The following TPM4 variants were observed in gnomAD, a reference collection of about 807,000 sequenced individuals.
The protein encoded by TPM4 is tropomyosin alpha-4 chain.
TPM4 carries 17 observed loss-of-function variants against 35.8 expected under a neutral mutation model. That is an observed-to-expected ratio of 0.47 (90% CI 0.32 to 0.71). The LOEUF (loss-of-function observed/expected upper bound fraction) is 0.71, where lower values mean the gene tolerates loss of function less well. Ranked by LOEUF, TPM4 falls within the 30% of genes least tolerant of loss-of-function variation. The probability of loss-of-function intolerance (pLI) is 0.03; values close to 1 mark genes in which losing one functional copy is unlikely to be tolerated. For synonymous variants in TPM4, 120 were observed against 122.9 expected, an observed-to-expected ratio of 0.98 and a Z score of 0.15; for missense variants, 240 against 320.9, an observed-to-expected ratio of 0.75 and a Z score of 1.93.
intron 5 of TPM4, among the ~76,000 whole-genome samples, 193 bp downstream of exon 5, chr19:16,089,313 G>T (rs2090597531): frequency 6.6e-6 from 1 of 152,124 alleles, no homozygotes; most frequent in African/African-American, 2.4e-5. Flanking sequence ...CCTCTTCCAT[G>T]GGGTCTGAGC....
chr19:16,076,136 G>C, upstream of TPM4: 3 of 1,574,332 alleles, frequency 1.9e-6, no homozygotes, highest in Non-Finnish European at 2.6e-6. Flanking sequence ...AGGACGCGCA[G>C]GAGAAGCTGG....
At chr19:16,075,979 C>T (rs944622650), upstream of TPM4, 4 of 1,543,292 alleles carry the variant, frequency 2.6e-6, no homozygotes, top group Admixed American at 2.2e-5. Flanking sequence ...TTGGGGGGGA[C>T]CGCCCCTGCA....
chr19:16,076,249 A>C, upstream of TPM4: 1 of 1,540,940 alleles, frequency 6.5e-7, no homozygotes, highest in Non-Finnish European at 8.7e-7. Flanking sequence ...GGAGAGCCGC[A>C]GGGGGAGGAG....
chr19:16,098,815 T>G (rs2090731572), intron 7 of TPM4, among the ~76,000 whole-genome samples: 1 of 151,912 alleles, frequency 6.6e-6, no homozygotes, highest in African/African-American at 2.4e-5. Context: ...AAAAAATTTT[T>G]TAATAAAATA....
At chr19:16,095,958 C>T (rs2090691023) in intron 7 of TPM4, 1 of 149,866 alleles carries the variant, frequency 6.7e-6, no homozygotes. Context: ...CGGAGTCTCA[C>T]TATGTCGCCC....
intron 2 of TPM4, chr19:16,068,070 A>G: frequency 2.5e-6 from 1 of 395,084 alleles, no homozygotes; most frequent in Non-Finnish European, 4.6e-6. Flanking sequence ...GGTTGGGGAC[A>G]TGCTGTGTGT....
chr19:16,073,257 T>C (rs898301278), upstream of TPM4, among the ~76,000 whole-genome samples: 1 of 152,204 alleles, frequency 6.6e-6, no homozygotes, highest in African/African-American at 2.4e-5. Flanking sequence ...AGATTTGCTC[T>C]CACTCTTCCT....
chr19:16,101,109 T>G, intron 7 of TPM4, 155 bp from the exon 8 acceptor site: 1 of 510,248 alleles, frequency 2.0e-6, no homozygotes, highest in Non-Finnish European at 3.5e-6. Flanking sequence ...AGGTGAAGGT[T>G]GCAGTGAGCC....
chr19:16,091,044 C>A (rs1184949554), intron 5 of TPM4, among the ~76,000 whole-genome samples: 1 of 151,960 alleles, frequency 6.6e-6, no homozygotes, highest in East Asian at 1.9e-4. Flanking sequence ...CCACTAATAC[C>A]TCAGCTGCTT....
chr19:16,088,308 C>T, intron 4 of TPM4: 2 of 1,392,640 alleles, frequency 1.4e-6, no homozygotes, highest in Non-Finnish European at 1.9e-6. Context: ...ACGTGTTGAC[C>T]CTTTCTGCAA....
At chr19:16,094,153 G>A (rs1214020546) in intron 7 of TPM4, among the ~76,000 whole-genome samples, 1 of 151,796 alleles carries the variant, frequency 6.6e-6, no homozygotes, top group Non-Finnish European at 1.5e-5. Context: ...CTTTCAGGAG[G>A]TAAAATATCT....
intron 2 of TPM4, among the ~76,000 whole-genome samples, chr19:16,083,000 A>G (rs1176868336): frequency 2.7e-5 from 4 of 149,424 alleles, no homozygotes; most frequent in African/African-American, 9.9e-5. Flanking sequence ...CAAAAAAAAA[A>G]AAAAAAAAAA....
chr19:16,086,473 A>C lies in TPM4; in HGVS notation c.317A>C (p.Glu106Ala), dbSNP rs1461859416. 1 of 1,613,862 alleles carries C rather than the reference A, an allele frequency of 6.2e-7. No individual in the cohort carries two copies. Among genetic ancestry groups the C allele is most frequent in the Non-Finnish European group, 8.5e-7 (1 of 1,179,998 alleles). ...GCCATGAAGGATGAGGAGAAGATGGAGATTCAGGAGATGCAGCTCAAAGAG... is the reference window on the plus strand; with the variant it reads ...GCCATGAAGGATGAGGAGAAGATGGCGATTCAGGAGATGCAGCTCAAAGAG... ...NRAMKDEEKM[E>A]IQEMQLKEAK... The change falls in exon 3 of 8, where the codon GAG (glutamate) becomes GCG (alanine). Residue 106 changes from glutamate to alanine, a missense_variant. Glu to Ala is a moderately radical substitution (Grantham distance 107). Coordinates refer to ENST00000643579, the MANE Select transcript of TPM4 (RefSeq NM_003290.3).
Position 16,101,558 on chromosome 19 carries a change from T to G in TPM4, c.*212T>G, listed in dbSNP as rs2090763907. 1 of 454,064 alleles carries G rather than the reference T, an allele frequency of 2.2e-6. No homozygotes were observed. The highest frequency in any genetic ancestry group is 3.6e-5 in the East Asian group (1 of 27,832). The allele number at this position is 454,064 out of a possible 1,614,324, so 28.1% of individuals were successfully genotyped here. A position where few individuals can be genotyped will look rare whatever the true frequency, so the allele number is the denominator to read the frequency against. ...CTTTTTTTTTCAAATGGCACCAGCT[T>G]TTTCAGCTCTCTTATTTTTTCCTTA... On this transcript the variant is annotated 3_prime_UTR_variant, in exon 8 of 8. Transcript: ENST00000643579.
upstream of TPM4, among the ~76,000 whole-genome samples, chr19:16,072,685 G>A (rs899747286): frequency 4.6e-5 from 7 of 152,190 alleles, no homozygotes; most frequent in Middle Eastern, 3.2e-3. Flanking sequence ...AGGAGGCTGA[G>A]GTGGGGGATC....
upstream of TPM4, chr19:16,076,394 G>T (rs539691977): frequency 1.5e-4 from 204 of 1,385,262 alleles, 1 homozygote; most frequent in African/African-American, 2.7e-3. Flanking sequence ...CGGCGGTCCG[G>T]CCGGGTGACC....
At chr19:16,069,549 TGA>T (rs1464204845) in intron 2 of TPM4, among the ~76,000 whole-genome samples, 8 of 9,716 alleles carry the variant, frequency 8.2e-4, no homozygotes, top group Admixed American at 5.6e-3. Flanking sequence ...TGTGTGTGGA[TGA>T]GTGTGTGTTT....
At chr19:16,069,505 A>G (rs199576329) in intron 2 of TPM4, among the ~76,000 whole-genome samples, 4 of 1,176 alleles carry the variant, frequency 3.4e-3, no homozygotes, top group South Asian at 0.031. Flanking sequence ...GGGTGTGTGT[A>G]TGATTGTGTG....
intron 7 of TPM4, chr19:16,099,859 A>G (rs1315595431): frequency 6.6e-6 from 1 of 152,202 alleles, no homozygotes; most frequent in Admixed American, 6.6e-5. Context: ...ACATGCCTGT[A>G]GAATGGCTTA....
Sources: allele counts gnomAD v4.1 joint callset (sites outside exome capture counted in the v4.1 genomes callset), GRCh38; gene constraint gnomAD v4.1.1; transcripts MANE v1.5; gene names NCBI Gene and HGNC (gene_info 2026-07-23, HGNC 2026-07-21).